Variants in RNF17 observed in about 807,000 individuals in gnomAD.
The protein encoded by RNF17 is spermatogenesis associated 23.
Under a neutral mutation model 200.5 loss-of-function variants are expected in RNF17, and 31 were observed. That is an observed-to-expected ratio of 0.15 (90% CI 0.12 to 0.21). The LOEUF is 0.21. Among genes scored for constraint, RNF17 ranks in the 10% least tolerant of loss-of-function variants. The pLI is 1.00. For missense variants in RNF17, 1,628 were observed against 1,905.1 expected, an observed-to-expected ratio of 0.85 and a Z score of 2.71; for synonymous variants, 606 against 637.8, an observed-to-expected ratio of 0.95 and a Z score of 0.75.
At chr13:24,755,825 C>T in the RNF17 span, among the ~76,000 whole-genome samples, 2 of 152,246 alleles carry the variant, frequency 1.3e-5, no homozygotes, top group South Asian at 4.1e-4. Flanking sequence ...TTACTTTATT[C>T]ATGGATCTAA....
intron 24 of RNF17, among the ~76,000 whole-genome samples, chr13:24,853,078 T>C (rs1892113609): frequency 1.3e-5 from 2 of 152,132 alleles, no homozygotes; most frequent in African/African-American, 2.4e-5. Context: ...CATGCCTGGC[T>C]AATTTTTCTA....
intron 2 of RNF17, among the ~76,000 whole-genome samples, chr13:24,774,411 T>C (rs1226349619): frequency 2.0e-5 from 3 of 152,226 alleles, no homozygotes; most frequent in African/African-American, 4.8e-5. Context: ...GGTTTTGCCA[T>C]GTTGGCCAGG....
intron 32 of RNF17, 78 bp from the exon 33 acceptor site, chr13:24,874,036 T>C (rs780965486): frequency 1.3e-4 from 192 of 1,461,350 alleles, no homozygotes; most frequent in Middle Eastern, 1.2e-3. Context: ...AAGTAGCCCT[T>C]TGATATGCTG....
chr13:24,820,524 C>T (rs2137917393), intron 15 of RNF17, among the ~76,000 whole-genome samples: 1 of 152,234 alleles, frequency 6.6e-6, no homozygotes, highest in African/African-American at 2.4e-5. Flanking sequence ...CAACCTCTGC[C>T]TCCCGGGTTC....
intron 15 of RNF17, among the ~76,000 whole-genome samples, chr13:24,817,557 A>G (rs1887549185): frequency 6.6e-6 from 1 of 151,994 alleles, no homozygotes; most frequent in Non-Finnish European, 1.5e-5. Flanking sequence ...CATCTGTACT[A>G]AAAATACAAA....
chr13:24,821,938 G>A (rs1888106406), intron 15 of RNF17, among the ~76,000 whole-genome samples: 1 of 152,192 alleles, frequency 6.6e-6, no homozygotes, highest in Non-Finnish European at 1.5e-5. Context: ...GAGTTTAGGA[G>A]TGGCGGTTTA....
chr13:24,756,624 G>A, the RNF17 span, among the ~76,000 whole-genome samples: 1 of 152,040 alleles, frequency 6.6e-6, no homozygotes, highest in African/African-American at 2.4e-5. Context: ...TCCACTTCTG[G>A]AGGTTGATGT....
downstream of RNF17, chr13:24,883,831 ACATT>A (rs1953933337): frequency 2.1e-6 from 2 of 932,628 alleles, no homozygotes; most frequent in East Asian, 2.4e-5. Context: ...TGCCTGTGGG[ACATT>A]CATTCAAACT....
chr13:24,833,230 C>T (rs1219067724), intron 18 of RNF17, among the ~76,000 whole-genome samples: 2 of 152,142 alleles, frequency 1.3e-5, no homozygotes, highest in Non-Finnish European at 2.9e-5. Flanking sequence ...GACTATTGGA[C>T]TATTCACTGT....
intron 22 of RNF17, among the ~76,000 whole-genome samples, chr13:24,847,350 T>TTTA (rs1491130079): frequency 2.7e-5 from 1 of 37,116 alleles, no homozygotes; most frequent in Admixed American, 3.1e-4. Flanking sequence ...TATTTATTTA[T>TTTA]TTTTTTTTTT....
At chr13:24,793,380 C>A in intron 10 of RNF17, 34 bp downstream of exon 10, 2 of 1,529,430 alleles carry the variant, frequency 1.3e-6, no homozygotes, top group South Asian at 1.3e-5. Flanking sequence ...GGGGAAAGAT[C>A]TTGTATCTGT....
intron 27 of RNF17, among the ~76,000 whole-genome samples, chr13:24,862,033 G>A (rs971786666): frequency 2.0e-5 from 2 of 99,668 alleles, no homozygotes; most frequent in African/African-American, 3.1e-5. Flanking sequence ...AAGGGGAAAC[G>A]GCCACTTTCA....
At chr13:24,763,369 A>ATTTTTTTTTTTTTT (rs34750040), upstream of RNF17, among the ~76,000 whole-genome samples, 14 of 114,688 alleles carry the variant, frequency 1.2e-4, no homozygotes, top group African/African-American at 1.3e-4. Flanking sequence ...CGTCCGGCTA[A>ATTTTTTTTTTTTTT]TTTTTTTTTT....
the RNF17 span, among the ~76,000 whole-genome samples, chr13:24,749,394 C>T: frequency 7.3e-5 from 11 of 150,164 alleles, no homozygotes; most frequent in East Asian, 1.6e-3. Context: ...AACCTCCCCT[C>T]CCGGGTTCAA....
Position 24,854,036 on chromosome 13 carries a change from A to C in RNF17, c.3502A>C (p.Thr1168Pro). 6.2e-7 allele frequency: 1 copy of C among 1,614,054 alleles called. No homozygotes were observed. The highest frequency in any genetic ancestry group is 2.2e-5 in the East Asian group (1 of 44,860). ...EFQEKILEPRTTRGYKPPAIP... is the reference protein window; with the variant it reads ...EFQEKILEPRPTRGYKPPAIP... ...TCAGGAGAAAATTCTAGAACCAAGA[A>C]CCACTAGAGGGTATAAGCCACCAGC... The change falls in exon 25 of 36, where the codon ACC becomes CCC. Residue 1168 changes from threonine to proline, a missense_variant. Physicochemically the swap from Thr to Pro is conservative, Grantham distance 38. Transcript: ENST00000255324.
chr13:24,868,454 A>C (rs1893889010), intron 30 of RNF17, 146 bp from the exon 31 acceptor site: 1 of 401,708 alleles, frequency 2.5e-6, no homozygotes, highest in South Asian at 2.1e-5. Context: ...TGGGCGACAG[A>C]GCGAGACTCC....
chr13:24,772,188 T>A (rs903079363), intron 2 of RNF17, among the ~76,000 whole-genome samples: 6 of 152,220 alleles, frequency 3.9e-5, no homozygotes, highest in Non-Finnish European at 7.3e-5. Flanking sequence ...GAGTTGGGTC[T>A]GTTTCAAGGC....
chr13:24,881,688 A>ATATC (rs1309797911), downstream of RNF17, among the ~76,000 whole-genome samples: 1 of 149,694 alleles, frequency 6.7e-6, no homozygotes, highest in African/African-American at 2.4e-5. Flanking sequence ...TAGATTATAG[A>ATATC]TATCTATATA....
chr13:24,816,916 C>CCT (rs2137885622), intron 15 of RNF17, among the ~76,000 whole-genome samples: 1 of 149,210 alleles, frequency 6.7e-6, no homozygotes, highest in East Asian at 2.0e-4. Context: ...GTGACCACCT[C>CCT]CTCTAGAGCC....
Sources: allele counts gnomAD v4.1 joint callset (sites outside exome capture counted in the v4.1 genomes callset), GRCh38; gene constraint gnomAD v4.1.1; transcripts MANE v1.5; gene names NCBI Gene and HGNC (gene_info 2026-07-23, HGNC 2026-07-21).